The following EIF2A variants were observed in gnomAD, a reference collection of about 807,000 sequenced individuals.
The protein encoded by EIF2A is eukaryotic translation initiation factor 2A, also known as 65 kDa eukaryotic translation initiation factor 2A.
A neutral mutation model predicts 75.2 loss-of-function variants in EIF2A; 62 were observed. That is an observed-to-expected ratio of 0.82 (90% confidence interval 0.67 to 1.02). EIF2A has a LOEUF of 1.02. Among genes scored for constraint, EIF2A ranks in the 50% least tolerant of loss-of-function variants. EIF2A has a pLI of 0.00. For synonymous variants in EIF2A, 207 were observed against 239.0 expected (o/e 0.87, Z 1.23); for missense variants, 611 against 677.7 (o/e 0.90, Z 1.09).
chr3:150,550,628 G>T (rs1341260060), intron 1 of EIF2A, among the ~76,000 whole-genome samples: 1 of 152,160 alleles, frequency 6.6e-6, no homozygotes, highest in Non-Finnish European at 1.5e-5. Context: ...AAGCAGATTG[G>T]ATTGCTTGAG....
At chr3:150,582,563 C>T (rs1205584161) in intron 12 of EIF2A, among the ~76,000 whole-genome samples, 1 of 152,140 alleles carries the variant, frequency 6.6e-6, no homozygotes, top group Admixed American at 6.6e-5. Context: ...ATCTGCCTGT[C>T]TCAGCCTCCC....
intron 3 of EIF2A, among the ~76,000 whole-genome samples, chr3:150,559,498 CTT>C (rs36038911): frequency 4.1e-4 from 45 of 110,546 alleles, no homozygotes; most frequent in African/African-American, 1.3e-3. Flanking sequence ...ATGCCCAGCC[CTT>C]TTTTTTTTTT....
intron 13 of EIF2A, 29 bp downstream of exon 13, chr3:150,583,294 G>T: frequency 2.5e-6 from 4 of 1,603,558 alleles, no homozygotes; most frequent in Non-Finnish European, 2.6e-6. Flanking sequence ...ATTTAGGCTT[G>T]TGGTGACCAC....
At position 150,572,137 on chromosome 3, in the gene EIF2A, T is replaced by C; in HGVS notation, c.991T>C (p.Leu331=). 1 of 1,613,956 alleles carries C rather than the reference T, an allele frequency of 6.2e-7. No individual in the cohort carries two copies. Among genetic ancestry groups the C allele is most frequent in the African/African-American group, 1.3e-5 (1 of 75,032 alleles). The change falls in exon 10 of 14, where the codon TTA becomes CTA. Residue 331 remains leucine (L), a synonymous_variant. Transcript: ENST00000460851. ...YYSPHGHILV[L]AGFGNLRGQM... is the part of the protein sequence containing the mutation. ...TAGCCCTCATGGACATATATTAGTA[T>C]TAGCTGGATTTGGAAATCTGAGGGG...
chr3:150,570,928 T>C (rs1291710955), intron 9 of EIF2A, among the ~76,000 whole-genome samples: 1 of 151,428 alleles, frequency 6.6e-6, no homozygotes, highest in Admixed American at 6.6e-5. Context: ...TAGCCCGGCG[T>C]GGTGGCTCAT....
chr3:150,569,068 T>G (rs1724355937), intron 9 of EIF2A, among the ~76,000 whole-genome samples: 2 of 152,222 alleles, frequency 1.3e-5, no homozygotes, highest in African/African-American at 2.4e-5. Context: ...TTAAAAAAAC[T>G]ATTTCCATTG....
At chr3:150,553,437 T>G (rs1448630714) in intron 2 of EIF2A, among the ~76,000 whole-genome samples, 1 of 152,178 alleles carries the variant, frequency 6.6e-6, no homozygotes, top group African/African-American at 2.4e-5. Flanking sequence ...AGACTGAGTT[T>G]TGCCCTTGTT....
At chr3:150,564,257 T>C in intron 5 of EIF2A, 42 bp from the exon 6 acceptor site, 1 of 1,427,446 alleles carries the variant, frequency 7.0e-7, no homozygotes, top group Non-Finnish European at 9.4e-7. Flanking sequence ...TTACATTCTG[T>C]CTGAATATTT....
intron 3 of EIF2A, chr3:150,558,811 A>T (rs1224388927): frequency 6.4e-6 from 1 of 155,894 alleles, no homozygotes; most frequent in East Asian, 1.8e-4. Flanking sequence ...TTAATCCTAG[A>T]TGTAGATACT....
At chr3:150,583,325 T>TA in intron 13 of EIF2A, 60 bp downstream of exon 13, 1 of 1,511,356 alleles carries the variant, frequency 6.6e-7, no homozygotes, top group South Asian at 1.2e-5. Flanking sequence ...CCTTTTATTA[T>TA]AAACAAGTAT....
chr3:150,571,506 C>A (rs1724515730), intron 9 of EIF2A, among the ~76,000 whole-genome samples: 1 of 152,092 alleles, frequency 6.6e-6, no homozygotes, highest in Non-Finnish European at 1.5e-5. Context: ...CTTTGGAATG[C>A]CAAGGCAGGA....
rs1354228679 is a variant in EIF2A, at chr3:150,585,802, A to G, written c.*1891A>G. On this transcript the variant is annotated 3_prime_UTR_variant, in exon 14 of 14. Transcript: ENST00000460851. ...AAGGTAAGTGTGTTTGAATGAGGTG[A>G]AGAGGTTGGGGACTTCGTGATGGGA... Among the ~76,000 whole-genome samples the G allele has an allele frequency of 6.6e-6, 1 of 152,134 alleles. No homozygotes were observed. Among genetic ancestry groups the G allele is most frequent in the Non-Finnish European group, 1.5e-5 (1 of 68,036 alleles).
intron 12 of EIF2A, among the ~76,000 whole-genome samples, chr3:150,582,121 C>A (rs1169684477): frequency 6.6e-6 from 1 of 151,982 alleles, no homozygotes; most frequent in Non-Finnish European, 1.5e-5. Flanking sequence ...CTGCCTCAGC[C>A]TCCCGAGTAG....
At chr3:150,575,822 CT>C in intron 11 of EIF2A, 60 bp downstream of exon 11, 2 of 1,408,232 alleles carry the variant, frequency 1.4e-6, no homozygotes, top group Non-Finnish European at 1.9e-6. Flanking sequence ...GGCGCAGTGG[CT>C]CACGCCCGTA....
At chr3:150,563,397 C>T in intron 4 of EIF2A, 118 bp from the exon 5 acceptor site, 1 of 751,756 alleles carries the variant, frequency 1.3e-6, no homozygotes, top group Non-Finnish European at 2.1e-6. Context: ...AACACAGAGG[C>T]AAGCTTTCAT....
At chr3:150,564,433 T>G in intron 6 of EIF2A, 52 bp downstream of exon 6, 1 of 1,422,708 alleles carries the variant, frequency 7.0e-7, no homozygotes, top group African/African-American at 1.4e-5. Flanking sequence ...TCGTATACAG[T>G]TTCCATTAAC....
chr3:150,564,297 A>C lies in EIF2A; in HGVS notation c.393-2A>C. ...TACTTTTTTTTTTTTTCATTGACAT[A>C]GGTGTCCATCCTGGTCAGAAGATGA... On this transcript the variant is annotated splice_acceptor_variant, in intron 5 of 13. Transcript: ENST00000460851. LOFTEE classifies it high-confidence loss of function. 6.4e-7 allele frequency: 1 copy of C among 1,556,894 alleles called. No homozygotes were observed. The highest frequency in any genetic ancestry group is 8.6e-7 in the Non-Finnish European group (1 of 1,157,544).
intron 2 of EIF2A, 81 bp from the exon 3 acceptor site, chr3:150,558,307 A>T: frequency 8.1e-7 from 1 of 1,237,922 alleles, no homozygotes; most frequent in Non-Finnish European, 1.1e-6. Context: ...ATTGATAGTG[A>T]AATGGTTGAC....
At chr3:150,576,188 C>G (rs1724854212) in intron 11 of EIF2A, among the ~76,000 whole-genome samples, 1 of 152,052 alleles carries the variant, frequency 6.6e-6, no homozygotes, top group African/African-American at 2.4e-5. Context: ...ATGCCTGTAA[C>G]CCAGCACTTT....
Sources: allele counts gnomAD v4.1 joint callset (sites outside exome capture counted in the v4.1 genomes callset), GRCh38; gene constraint gnomAD v4.1.1; transcripts MANE v1.5; gene names NCBI Gene and HGNC (gene_info 2026-07-23, HGNC 2026-07-21).